ADAMTS20: variants seen among roughly 807,000 people sequenced by gnomAD.
ADAMTS20 encodes the protein ADAM metallopeptidase with thrombospondin type 1 motif 20, also known as A disintegrin and metalloproteinase with thrombospondin motifs 20.
ADAMTS20 carries 225 observed loss-of-function variants against 260.1 expected under a neutral mutation model. The observed-to-expected ratio is 0.87, with a 90% CI of 0.78 to 0.97. The LOEUF (loss-of-function observed/expected upper bound fraction) is 0.97, where lower values mean the gene tolerates loss of function less well. Ranked by LOEUF, ADAMTS20 falls within the 50% of genes least tolerant of loss-of-function variation. ADAMTS20 has a pLI of 0.00. For missense variants in ADAMTS20, 2,400 were observed against 2,337.7 expected, an observed-to-expected ratio of 1.03 and a Z score of -0.55; for synonymous variants, 802 against 769.5, an observed-to-expected ratio of 1.04 and a Z score of -0.70.
intron 3 of ADAMTS20, 96 bp downstream of exon 3, chr12:43,531,940 T>G (rs1943226674): frequency 1.5e-5 from 12 of 825,340 alleles, no homozygotes; most frequent in Non-Finnish European, 1.9e-5. Context: ...TAAAAATAAA[T>G]AAAATATTGA....
In ADAMTS20 at chr12:43,369,280, T is replaced by C; in HGVS notation, c.5538+10A>G. 6.8e-7 allele frequency: 1 copy of C among 1,467,716 alleles called. No homozygotes were observed. Among genetic ancestry groups the C allele is most frequent in the South Asian group, 1.5e-5 (1 of 67,502 alleles). The allele number at this position is 1,467,716 out of a possible 1,614,324, so 90.9% of individuals were successfully genotyped here. A position where few individuals can be genotyped will look rare whatever the true frequency, so the allele number is the denominator to read the frequency against. ...AAAGAAAGAAAATTAATCAAACAAA[T>C]ATGAAATACCTGTGGGCATCTGAAA... On this transcript the variant is annotated intron_variant, in intron 37 of 38. Transcript: ENST00000389420.
At chr12:43,471,927 G>A (rs1352674752) in intron 7 of ADAMTS20, among the ~76,000 whole-genome samples, 18 of 146,694 alleles carry the variant, frequency 1.2e-4, no homozygotes, top group East Asian at 8.2e-4. Context: ...AACGCAGAGC[G>A]CCTCTCCTCC....
intron 12 of ADAMTS20, among the ~76,000 whole-genome samples, chr12:43,453,237 G>A (rs549154174): frequency 1.1e-3 from 163 of 152,208 alleles, no homozygotes; most frequent in African/African-American, 3.7e-3. Context: ...AAATTTAAAT[G>A]AGCCAAGATT....
At chr12:43,441,636 T>C (rs1941668427) in intron 16 of ADAMTS20, among the ~76,000 whole-genome samples, 2 of 152,316 alleles carry the variant, frequency 1.3e-5, no homozygotes, top group East Asian at 3.9e-4. Context: ...TTATTTTTAA[T>C]TTTCAAGAGG....
chr12:43,433,574 C>T (rs1441963653), intron 19 of ADAMTS20, among the ~76,000 whole-genome samples: 1 of 152,074 alleles, frequency 6.6e-6, no homozygotes, highest in Non-Finnish European at 1.5e-5. Flanking sequence ...GAAAGAGGTT[C>T]TGGCCATACC....
In ADAMTS20 at chr12:43,486,064, A is replaced by C. The variant is rs146293709; in HGVS notation, c.1117+4331T>G. Among the ~76,000 whole-genome samples the C allele has an allele frequency of 4.5e-3, 684 of 152,280 alleles. 5 individuals carry two copies. Among genetic ancestry groups the C allele is most frequent in the African/African-American group, 0.015 (627 of 41,574 alleles). On this transcript the variant is annotated intron_variant, in intron 7 of 38. Transcript: ENST00000389420. ...AAATATCAATATCATTTTTCAAAGA[A>C]TTATAAAACAACAATTATAAAATTC... is the stretch of plus-strand genomic sequence containing the variant.
At chr12:43,511,302 T>A (rs1043084177) in intron 3 of ADAMTS20, among the ~76,000 whole-genome samples, 4 of 152,088 alleles carry the variant, frequency 2.6e-5, no homozygotes, top group African/African-American at 9.7e-5. Context: ...ATTCCTTTTA[T>A]CTCATCCCTA....
At chr12:43,498,419 A>C (rs1052334346) in intron 4 of ADAMTS20, among the ~76,000 whole-genome samples, 7 of 152,036 alleles carry the variant, frequency 4.6e-5, no homozygotes, top group African/African-American at 1.2e-4. Flanking sequence ...GCATTCCCCT[A>C]TTTCCCCCTT....
chr12:43,401,176 A>G (rs1260609269), intron 28 of ADAMTS20, among the ~76,000 whole-genome samples: 2 of 151,980 alleles, frequency 1.3e-5, no homozygotes, highest in African/African-American at 4.8e-5. Flanking sequence ...GTGTTCAAAG[A>G]GAAGATAATA....
intron 3 of ADAMTS20, among the ~76,000 whole-genome samples, chr12:43,514,884 A>G (rs1942977905): frequency 6.6e-6 from 1 of 152,208 alleles, no homozygotes; most frequent in Admixed American, 6.5e-5. Context: ...ATCGATATCT[A>G]CTGAGTGACT....
At chr12:43,356,838 G>C (rs1165175605) in intron 37 of ADAMTS20, among the ~76,000 whole-genome samples, 4 of 152,112 alleles carry the variant, frequency 2.6e-5, no homozygotes, top group African/African-American at 9.7e-5. Context: ...ATTTCTACAC[G>C]TTCCATTTTT....
chr12:43,399,055 A>C lies in ADAMTS20; in HGVS notation c.4452+11T>G. ...AAATACATATATAATTATAAAATATACATCATATACCTCATTCCAGCTATT... is the reference window on the plus strand; with the variant it reads ...AAATACATATATAATTATAAAATATCCATCATATACCTCATTCCAGCTATT... On this transcript the variant is annotated intron_variant, in intron 29 of 38. Coordinates refer to ENST00000389420, the MANE Select transcript of ADAMTS20 (RefSeq NM_025003.5). 7.3e-7 allele frequency: 1 copy of C among 1,376,288 alleles called. No homozygotes were observed. The highest frequency in any genetic ancestry group is 9.5e-7 in the Non-Finnish European group (1 of 1,056,328). The allele number at this position is 1,376,288 out of a possible 1,614,324, so 85.3% of individuals were successfully genotyped here.
chr12:43,529,186 C>A (rs943283983), intron 3 of ADAMTS20, among the ~76,000 whole-genome samples: 1 of 152,086 alleles, frequency 6.6e-6, no homozygotes, highest in Admixed American at 6.6e-5. Flanking sequence ...AAGGGGAATG[C>A]TGATACACTT....
chr12:43,538,229 A>G (rs1406281483), intron 2 of ADAMTS20, among the ~76,000 whole-genome samples: 1 of 152,188 alleles, frequency 6.6e-6, no homozygotes, highest in African/African-American at 2.4e-5. Flanking sequence ...GTGAGATGAT[A>G]TCTCACTGTA....
At chr12:43,417,264 A>G (rs1941150424) in intron 28 of ADAMTS20, among the ~76,000 whole-genome samples, 1 of 152,236 alleles carries the variant, frequency 6.6e-6, no homozygotes, top group South Asian at 2.1e-4. Flanking sequence ...GCTGTCTAAT[A>G]GGATCACTTT....
chr12:43,413,886 A>T (rs1171519535), intron 28 of ADAMTS20, among the ~76,000 whole-genome samples: 1 of 152,094 alleles, frequency 6.6e-6, no homozygotes, highest in African/African-American at 2.4e-5. Flanking sequence ...ACACTCCTAA[A>T]CACTTTCCTC....
intron 28 of ADAMTS20, 109 bp downstream of exon 28, chr12:43,425,405 A>T: frequency 1.0e-6 from 1 of 977,894 alleles, no homozygotes; most frequent in Non-Finnish European, 1.4e-6. Context: ...TTGCACATGT[A>T]CCCCTGAATG....
chr12:43,467,337 G>A (rs1032334131), intron 8 of ADAMTS20, among the ~76,000 whole-genome samples: 1 of 151,840 alleles, frequency 6.6e-6, no homozygotes, highest in African/African-American at 2.4e-5. Flanking sequence ...ATTCCTAAAG[G>A]GCAGTCACAT....
At chr12:43,523,807 T>G (rs1943104025) in intron 3 of ADAMTS20, among the ~76,000 whole-genome samples, 1 of 151,346 alleles carries the variant, frequency 6.6e-6, no homozygotes, top group African/African-American at 2.4e-5. Context: ...ACTCAGAGAG[T>G]CAGAGCAAGG....
Sources: gnomAD v4.1 joint callset for allele counts (sites outside exome capture counted in the v4.1 genomes callset) on GRCh38, gnomAD v4.1.1 for gene constraint, MANE v1.5 for transcripts, NCBI Gene and HGNC (gene_info 2026-07-23, HGNC 2026-07-21) for gene names.